Variants in PBX1 observed in about 807,000 individuals in gnomAD.
The protein encoded by PBX1 is pre-B-cell leukemia transcription factor 1.
A neutral mutation model predicts 53.4 loss-of-function variants in PBX1; 6 were observed. That is an observed-to-expected ratio of 0.11 (90% CI 0.06 to 0.22). The LOEUF (loss-of-function observed/expected upper bound fraction) is 0.22. Ranked by LOEUF, PBX1 falls within the 10% of genes least tolerant of loss-of-function variation. PBX1 has a pLI of 1.00. For missense variants in PBX1, 251 were observed against 551.4 expected (o/e 0.46, Z 5.46); for synonymous variants, 204 against 212.3 (o/e 0.96, Z 0.34).
chr1:164,843,839 C>T (rs1671423955), intron 8 of PBX1, among the ~76,000 whole-genome samples: 2 of 152,126 alleles, frequency 1.3e-5, no homozygotes, highest in South Asian at 4.2e-4. Context: ...ACCTTCTGGG[C>T]AATATAGAAT....
intron 2 of PBX1, among the ~76,000 whole-genome samples, chr1:164,864,448 G>A (rs1672170043): frequency 6.6e-6 from 1 of 152,108 alleles, no homozygotes; most frequent in African/African-American, 2.4e-5. Flanking sequence ...AGGCTGCTGG[G>A]CTTTTTATTT....
In PBX1 at chr1:164,751,575, GC is replaced by G. The variant is rs770128250; in HGVS notation, c.266-40913del. 7.3e-3 allele frequency among the ~76,000 whole-genome samples: 981 copies of G among 135,232 alleles called. 13 individuals are homozygous for G. The highest frequency in any genetic ancestry group is 0.013 in the South Asian group (52 of 4,014). The allele number at this position is 135,232 out of a possible 152,430, so 88.7% of individuals were successfully genotyped here. ...TATGTTCAAATGTAATGGGTTTATT[GC>G]CCCCCTTTTTTTTTTTTTTTTTTGA... On this transcript the variant is annotated intron_variant, in intron 2 of 8. Transcript: ENST00000420696.
At chr1:164,715,525 G>C (rs1321937711) in intron 2 of PBX1, among the ~76,000 whole-genome samples, 5 of 152,168 alleles carry the variant, frequency 3.3e-5, no homozygotes, top group Admixed American at 3.3e-4. Context: ...CATTTGTCCT[G>C]AAGAAGGGAA....
At chr1:164,837,646 G>T (rs1477470685) in intron 8 of PBX1, among the ~76,000 whole-genome samples, 1 of 152,152 alleles carries the variant, frequency 6.6e-6, no homozygotes, top group Admixed American at 6.5e-5. Flanking sequence ...CTGCACTAAG[G>T]CACCTTTGTT....
At chr1:164,679,196 T>C (rs1309960512) in intron 2 of PBX1, among the ~76,000 whole-genome samples, 1 of 152,236 alleles carries the variant, frequency 6.6e-6, no homozygotes. Flanking sequence ...GCTAGCTGGA[T>C]GATGCCTTTT....
intron 2 of PBX1, among the ~76,000 whole-genome samples, chr1:164,728,970 T>G (rs771608614): frequency 6.6e-6 from 1 of 152,198 alleles, no homozygotes; most frequent in Non-Finnish European, 1.5e-5. Flanking sequence ...AAGATAATTG[T>G]AGGGTTACTG....
At chr1:164,762,069 C>G (rs1262975214) in intron 2 of PBX1, among the ~76,000 whole-genome samples, 1 of 152,092 alleles carries the variant, frequency 6.6e-6, no homozygotes, top group Non-Finnish European at 1.5e-5. Context: ...TGTTGGAAAC[C>G]AGCTTTGCAG....
chr1:164,591,649 T>C (rs76387671), intron 2 of PBX1, among the ~76,000 whole-genome samples: 19,480 of 152,286 alleles, frequency 0.13, 1,808 homozygotes, highest in East Asian at 0.41. Context: ...CTTTTATTGA[T>C]GATGAGCTTG....
chr1:164,821,550 G>A lies in PBX1; in HGVS notation c.1124G>A (p.Arg375His), dbSNP rs201963901. 5.0e-6 allele frequency: 8 copies of A among 1,613,650 alleles called. No homozygotes were observed. Among genetic ancestry groups the A allele is most frequent in the Admixed American group, 3.3e-5 (2 of 60,004 alleles). The change falls in exon 8 of 9, where the codon CGC (arginine) becomes CAC (histidine). Residue 375 changes from arginine (R) to histidine (H), a missense_variant. Coordinates refer to ENST00000420696, the MANE Select transcript of PBX1 (RefSeq NM_002585.4). ...ANVQSQVDTL[R>H]HVISQTGGYS... ...TCATCTGTTTAGGTGGATACCCTTC[G>A]CCATGTTATCAGCCAGACAGGAGGA...
intron 2 of PBX1, among the ~76,000 whole-genome samples, chr1:164,599,091 AAAG>A (rs1363419714): frequency 6.2e-5 from 1 of 16,118 alleles, no homozygotes; most frequent in Non-Finnish European, 1.5e-4. Flanking sequence ...TTTTTTTTGC[AAAG>A]AAGAGTGTTT....
chr1:164,625,980 C>G, intron 2 of PBX1: 8 of 1,041,230 alleles, frequency 7.7e-6, no homozygotes, highest in Non-Finnish European at 9.3e-6. Flanking sequence ...TTTTTGGTGA[C>G]TAGGATACAA....
intron 2 of PBX1, among the ~76,000 whole-genome samples, chr1:164,750,838 G>A (rs1666173119): frequency 6.6e-6 from 1 of 152,130 alleles, no homozygotes; most frequent in South Asian, 2.1e-4. Flanking sequence ...CAGTTAATTA[G>A]CCAAAATGAT....
At chr1:164,599,155 A>G (rs184261716) in intron 2 of PBX1, among the ~76,000 whole-genome samples, 4 of 145,028 alleles carry the variant, frequency 2.8e-5, no homozygotes, top group Non-Finnish European at 4.5e-5. Context: ...TTCTCTCCCA[A>G]TAGATCTCAT....
intron 5 of PBX1, among the ~76,000 whole-genome samples, chr1:164,811,565 A>T (rs193061777): frequency 1.6e-4 from 25 of 152,356 alleles, no homozygotes; most frequent in African/African-American, 6.0e-4. Flanking sequence ...GAAAGCACCT[A>T]TATGGACATT....
intron 2 of PBX1, among the ~76,000 whole-genome samples, chr1:164,653,833 A>T (rs1427027970): frequency 6.6e-6 from 1 of 152,074 alleles, no homozygotes; most frequent in Non-Finnish European, 1.5e-5. Context: ...ACAAACCCAT[A>T]CTTTAAATGG....
intron 2 of PBX1, among the ~76,000 whole-genome samples, chr1:164,567,076 A>G (rs565985266): frequency 6.6e-6 from 1 of 151,584 alleles, no homozygotes; most frequent in East Asian, 1.9e-4. Flanking sequence ...CTCCCTTATT[A>G]TTCTCGCCTG....
intron 2 of PBX1, among the ~76,000 whole-genome samples, chr1:164,607,131 A>G (rs1477945948): frequency 3.3e-5 from 5 of 152,176 alleles, no homozygotes; most frequent in Non-Finnish European, 7.4e-5. Context: ...CAGGCGAGGA[A>G]TTTTATCTTG....
intron 2 of PBX1, among the ~76,000 whole-genome samples, chr1:164,653,028 G>T: frequency 6.6e-6 from 1 of 151,772 alleles, no homozygotes; most frequent in Middle Eastern, 3.4e-3. Flanking sequence ...CACCACACCC[G>T]GCTAATTTTT....
chr1:164,823,558 T>C (rs1670270427), intron 8 of PBX1, among the ~76,000 whole-genome samples: 1 of 138,152 alleles, frequency 7.2e-6, no homozygotes, highest in Non-Finnish European at 1.5e-5. Flanking sequence ...TTATTTGGCG[T>C]CTTTCTTTCC....
Sources: allele counts gnomAD v4.1 joint callset (sites outside exome capture counted in the v4.1 genomes callset), GRCh38; gene constraint gnomAD v4.1.1; transcripts MANE v1.5; gene names NCBI Gene and HGNC (gene_info 2026-07-23, HGNC 2026-07-21).